The following COL4A2 variants were observed in gnomAD, a reference collection of about 807,000 sequenced individuals.
The protein encoded by COL4A2 is collagen type IV alpha 2 chain.
Under a neutral mutation model 200.2 loss-of-function variants are expected in COL4A2, and 99 were observed. That is an observed-to-expected ratio of 0.49 (90% CI 0.42 to 0.58). COL4A2 has a LOEUF of 0.58. Among genes scored for constraint, COL4A2 ranks in the 20% least tolerant of loss-of-function variants. COL4A2 has a pLI of 0.00. For missense variants in COL4A2, 1,950 were observed against 2,314.1 expected, an observed-to-expected ratio of 0.84 and a Z score of 3.23; for synonymous variants, 897 against 900.6, an observed-to-expected ratio of 1.00 and a Z score of 0.07.
Position 110,434,843 on chromosome 13 carries a change from C to T in COL4A2, c.726+401C>T, listed in dbSNP as rs550447506. Among the ~76,000 whole-genome samples the T allele has an allele frequency of 8.5e-5, 13 of 152,298 alleles. No homozygotes were observed. In the East Asian group the frequency reaches 2.5e-3, roughly 29 times the overall value. On this transcript the variant is annotated intron_variant, in intron 12 of 47. Coordinates refer to ENST00000360467, the MANE Select transcript of COL4A2 (RefSeq NM_001846.4). ...GGACCAGGGGATCTCAGGGACCAGC[C>T]CTGGTAGGGCACAAAGGCAGCCGTA...
At chr13:110,474,566 A>G (rs1882603306) in intron 29 of COL4A2, among the ~76,000 whole-genome samples, 1 of 129,644 alleles carries the variant, frequency 7.7e-6, no homozygotes, top group Non-Finnish European at 1.7e-5. Flanking sequence ...ACACACACAC[A>G]CACACATTCA....
At chr13:110,342,759 A>G (rs1239359157) in intron 3 of COL4A2, among the ~76,000 whole-genome samples, 1 of 152,140 alleles carries the variant, frequency 6.6e-6, no homozygotes, top group Non-Finnish European at 1.5e-5. Flanking sequence ...TCTCCCAAAC[A>G]CAGTGCCATT....
chr13:110,445,981 C>A, intron 17 of COL4A2, 99 bp downstream of exon 17: 3 of 1,347,606 alleles, frequency 2.2e-6, no homozygotes, highest in Non-Finnish European at 3.2e-6. Flanking sequence ...CATCCCCTGC[C>A]CTAAAAAGTA....
At chr13:110,419,285 T>C (rs1186810030) in intron 4 of COL4A2, among the ~76,000 whole-genome samples, 3 of 152,246 alleles carry the variant, frequency 2.0e-5, no homozygotes, top group Non-Finnish European at 4.4e-5. Flanking sequence ...CTCATTCTTA[T>C]TCTACCAGTA....
At chr13:110,356,826 G>A (rs9301450) in intron 3 of COL4A2, among the ~76,000 whole-genome samples, 112,330 of 150,386 alleles carry the variant, frequency 0.75, 43,512 homozygotes, top group Non-Finnish European at 0.86. Flanking sequence ...GAGTGCAGTG[G>A]TGTGATCTCA....
intron 40 of COL4A2, among the ~76,000 whole-genome samples, chr13:110,495,765 G>A (rs1345318675): frequency 6.6e-6 from 1 of 152,184 alleles, no homozygotes; most frequent in East Asian, 1.9e-4. Flanking sequence ...ACTGGCACAG[G>A]CCTTGCCATA....
chr13:110,467,859 T>C (rs895638467), intron 27 of COL4A2, among the ~76,000 whole-genome samples: 2 of 152,208 alleles, frequency 1.3e-5, no homozygotes, highest in African/African-American at 4.8e-5. Flanking sequence ...CTCTGAGCAG[T>C]AGGAATTCCC....
intron 20 of COL4A2, among the ~76,000 whole-genome samples, chr13:110,456,189 G>C: frequency 6.6e-6 from 1 of 152,248 alleles, no homozygotes; most frequent in South Asian, 2.1e-4. Flanking sequence ...AGCTAGTGGG[G>C]AGAGGTTTAC....
At chr13:110,350,330 C>T (rs1876899528) in intron 3 of COL4A2, among the ~76,000 whole-genome samples, 1 of 152,130 alleles carries the variant, frequency 6.6e-6, no homozygotes, top group African/African-American at 2.4e-5. Flanking sequence ...ATGCTGGCTA[C>T]CAGTTTCAGA....
At chr13:110,509,253 A>ATATATATATAT (rs1555334033) in intron 47 of COL4A2, among the ~76,000 whole-genome samples, 1 of 117,316 alleles carries the variant, frequency 8.5e-6, no homozygotes, top group Non-Finnish European at 1.7e-5. Context: ...AATTATATAT[A>ATATATATATAT]TATATATATA....
Position 110,442,513 on chromosome 13 carries a change from A to G in COL4A2, c.957+2680A>G, listed in dbSNP as rs985061722. On this transcript the variant is annotated intron_variant, in intron 16 of 47. Coordinates refer to ENST00000360467, the MANE Select transcript of COL4A2 (RefSeq NM_001846.4). ...CCCCTAGACACCAAAAGCCCCTCCA[A>G]GGAGCAACTGCTCGGTGACATAAAC... 8.7e-4 allele frequency among the ~76,000 whole-genome samples: 133 copies of G among 152,298 alleles called. 1 individual carries two copies. Among genetic ancestry groups the G allele is most frequent in the African/African-American group, 3.1e-3 (129 of 41,564 alleles).
At chr13:110,447,960 G>A (rs9559801) in intron 18 of COL4A2, among the ~76,000 whole-genome samples, 65,474 of 152,090 alleles carry the variant, frequency 0.43, 14,353 homozygotes, top group South Asian at 0.49. Context: ...TGATCAAAAC[G>A]CAGGACAGAA....
chr13:110,344,965 C>T (rs1876632185), intron 3 of COL4A2, among the ~76,000 whole-genome samples: 1 of 152,104 alleles, frequency 6.6e-6, no homozygotes, highest in Non-Finnish European at 1.5e-5. Context: ...GAGTGGTCTG[C>T]CCCAGCTCTG....
At chr13:110,477,275 A>T (rs1222245996) in intron 29 of COL4A2, among the ~76,000 whole-genome samples, 3 of 152,260 alleles carry the variant, frequency 2.0e-5, no homozygotes, top group Non-Finnish European at 4.4e-5. Flanking sequence ...GTAGATCATA[A>T]TGAAGAACAA....
chr13:110,368,848 AGG>A (rs71775039), intron 4 of COL4A2, among the ~76,000 whole-genome samples: 14,678 of 124,854 alleles, frequency 0.12, 778 homozygotes, highest in African/African-American at 0.15. Flanking sequence ...GCCAAAGAAA[AGG>A]GGGGGGGGGG....
At chr13:110,420,125 C>T (rs531107587) in intron 4 of COL4A2, among the ~76,000 whole-genome samples, 6 of 152,180 alleles carry the variant, frequency 3.9e-5, no homozygotes, top group South Asian at 2.1e-4. Flanking sequence ...CCCCAGGTGA[C>T]GCCGACACAG....
chr13:110,399,319 T>G (rs1879291469), intron 4 of COL4A2, among the ~76,000 whole-genome samples: 1 of 152,204 alleles, frequency 6.6e-6, no homozygotes, highest in Non-Finnish European at 1.5e-5. Context: ...TGTTGAGAGA[T>G]AACATTCACA....
chr13:110,480,033 C>G (rs549474832), intron 30 of COL4A2, among the ~76,000 whole-genome samples, 187 bp from the exon 31 acceptor site: 2 of 152,184 alleles, frequency 1.3e-5, no homozygotes, highest in Non-Finnish European at 2.9e-5. Flanking sequence ...AGATACAGAC[C>G]TCTCCAGAAA....
At chr13:110,457,217 G>A (rs747664455) in intron 20 of COL4A2, 126 bp from the exon 21 acceptor site, 6 of 408,744 alleles carry the variant, frequency 1.5e-5, no homozygotes, top group Admixed American at 8.7e-5. Context: ...GACCCCAGGC[G>A]TCCGTGGGGC....
Sources: gnomAD v4.1 joint callset for allele counts (sites outside exome capture counted in the v4.1 genomes callset) on GRCh38, gnomAD v4.1.1 for gene constraint, MANE v1.5 for transcripts, NCBI Gene and HGNC (gene_info 2026-07-23, HGNC 2026-07-21) for gene names.